SSBP2: variants seen among roughly 807,000 people sequenced by gnomAD.
SSBP2 encodes single-stranded DNA-binding protein 2.
In SSBP2, 17 loss-of-function variants were observed where a neutral mutation model predicts 61.8. That is an observed-to-expected ratio of 0.28 (90% confidence interval 0.19 to 0.41). The LOEUF (loss-of-function observed/expected upper bound fraction) is 0.41. Among genes scored for constraint, SSBP2 ranks in the 10% least tolerant of loss-of-function variants. The pLI, the probability that SSBP2 is intolerant of heterozygous loss-of-function variation, is 1.00. For missense variants in SSBP2, 310 were observed against 458.7 expected (o/e 0.68, Z 2.96); for synonymous variants, 139 against 141.3 (o/e 0.98, Z 0.12).
intron 6 of SSBP2, among the ~76,000 whole-genome samples, chr5:81,478,496 G>A (rs919810377): frequency 2.2e-4 from 33 of 151,742 alleles, no homozygotes; most frequent in African/African-American, 7.0e-4. Flanking sequence ...ACCCACCACC[G>A]TGCCCAGCTA....
Position 81,584,164 on chromosome 5 carries a change from G to A in SSBP2, c.282+31309C>T, listed in dbSNP as rs370286132. Among the ~76,000 whole-genome samples, 13 of 152,206 alleles carry A rather than the reference G, an allele frequency of 8.5e-5. 1 individual carries two copies. The South Asian group carries it at 2.7e-3, about 32-fold the overall frequency. ...AGGTAGGTTTTTTTTATAGTGATCT[G>A]TGAAATATTTAAATATTTGGCCTAA... On this transcript the variant is annotated intron_variant, in intron 4 of 16. Transcript: ENST00000320672.
At position 81,686,197 on chromosome 5, in the gene SSBP2, A is replaced by C. The variant is rs183840369; in HGVS notation, c.63-35858T>G. Among the ~76,000 whole-genome samples the C allele has an allele frequency of 2.5e-3, 375 of 152,342 alleles. 2 individuals are homozygous for C. Among genetic ancestry groups the C allele is most frequent in the African/African-American group, 8.5e-3 (355 of 41,576 alleles). On this transcript the variant is annotated intron_variant, in intron 1 of 16. Transcript: ENST00000320672. The stretch of plus-strand genomic sequence containing the variant: ...AACCAAATTCCCATTAAATGTCACC[A>C]AAATGATCATCTCATATTGAAATAT...
intron 1 of SSBP2, among the ~76,000 whole-genome samples, chr5:81,715,911 A>G (rs142023470): frequency 1.2e-4 from 19 of 152,190 alleles, no homozygotes; most frequent in Non-Finnish European, 2.4e-4. Flanking sequence ...TTTAAAAATC[A>G]GCTGAGCATG....
intron 16 of SSBP2, among the ~76,000 whole-genome samples, chr5:81,423,846 G>C (rs986709455): frequency 1.3e-5 from 2 of 152,090 alleles, no homozygotes; most frequent in African/African-American, 4.8e-5. Flanking sequence ...GTTGTTAAGA[G>C]TATGTATATA....
At chr5:81,600,102 A>G (rs1436670868) in intron 4 of SSBP2, among the ~76,000 whole-genome samples, 1 of 152,206 alleles carries the variant, frequency 6.6e-6, no homozygotes, top group Non-Finnish European at 1.5e-5. Context: ...GACGGTGATT[A>G]AGATGGTCTA....
intron 1 of SSBP2, among the ~76,000 whole-genome samples, chr5:81,672,370 T>TA (rs1751638942): frequency 6.6e-6 from 1 of 152,104 alleles, no homozygotes; most frequent in South Asian, 2.1e-4. Context: ...AGAAAATTTT[T>TA]AAATACAAGA....
At chr5:81,452,938 T>C (rs1228172662) in intron 10 of SSBP2, among the ~76,000 whole-genome samples, 1 of 141,708 alleles carries the variant, frequency 7.1e-6, no homozygotes, top group African/African-American at 3.0e-5. Context: ...AACAACATGG[T>C]AGCATTAAAA....
At chr5:81,692,317 A>G (rs940165204) in intron 1 of SSBP2, among the ~76,000 whole-genome samples, 6 of 152,208 alleles carry the variant, frequency 3.9e-5, no homozygotes, top group Non-Finnish European at 8.8e-5. Context: ...AGATCTCTGC[A>G]ATAAAAACTA....
intron 1 of SSBP2, among the ~76,000 whole-genome samples, chr5:81,720,084 A>C (rs1370873139): frequency 6.6e-6 from 1 of 152,152 alleles, no homozygotes; most frequent in African/African-American, 2.4e-5. Context: ...CCAAGATGTC[A>C]AAGCATCATA....
intron 1 of SSBP2, among the ~76,000 whole-genome samples, chr5:81,692,048 T>G (rs1753243143): frequency 6.6e-6 from 1 of 152,130 alleles, no homozygotes; most frequent in Non-Finnish European, 1.5e-5. Context: ...GCATCCAAAC[T>G]GGAAAGAAAT....
intron 4 of SSBP2, among the ~76,000 whole-genome samples, chr5:81,538,263 C>T (rs936785461): frequency 6.6e-6 from 1 of 152,166 alleles, no homozygotes; most frequent in Non-Finnish European, 1.5e-5. Context: ...TCAAACCAGC[C>T]ACAACATTTC....
chr5:81,589,357 A>G (rs779771964), intron 4 of SSBP2, among the ~76,000 whole-genome samples: 3 of 152,242 alleles, frequency 2.0e-5, no homozygotes, highest in Non-Finnish European at 4.4e-5. Context: ...GCTCTTACCA[A>G]GAGACTTTAA....
At chr5:81,715,549 G>A (rs1165620264) in intron 1 of SSBP2, among the ~76,000 whole-genome samples, 1 of 152,150 alleles carries the variant, frequency 6.6e-6, no homozygotes, top group Non-Finnish European at 1.5e-5. Context: ...TATGTTCATA[G>A]AAAACAAACC....
intron 1 of SSBP2, among the ~76,000 whole-genome samples, chr5:81,675,697 A>C (rs1751919045): frequency 6.6e-6 from 1 of 152,152 alleles, no homozygotes; most frequent in Non-Finnish European, 1.5e-5. Flanking sequence ...CCATAATACA[A>C]GTTCCACACA....
chr5:81,433,801 T>C (rs751355922), intron 15 of SSBP2, among the ~76,000 whole-genome samples: 2 of 152,228 alleles, frequency 1.3e-5, no homozygotes, highest in Non-Finnish European at 2.9e-5. Flanking sequence ...TGAGTTTTAC[T>C]AGGTAATGCT....
At chr5:81,676,341 G>C (rs534727561) in intron 1 of SSBP2, among the ~76,000 whole-genome samples, 9 of 152,216 alleles carry the variant, frequency 5.9e-5, no homozygotes, top group African/African-American at 2.2e-4. Context: ...GTCAAAAGAT[G>C]ATGTGAAAGT....
intron 2 of SSBP2, among the ~76,000 whole-genome samples, chr5:81,648,836 A>G (rs1372189519): frequency 6.6e-6 from 1 of 152,074 alleles, no homozygotes; most frequent in Admixed American, 6.6e-5. Flanking sequence ...ATTTAAAAAG[A>G]AAAGGTAAAA....
rs528892643 is a variant in SSBP2 at position 81,719,493 on chromosome 5, C to A, written c.62+31488G>T. On this transcript the variant is annotated intron_variant, in intron 1 of 16. Transcript: ENST00000320672. ...CACTGTGGGTGCCCAAGGTTTCTATCCATCTTGATTATGAGCTTGAATTGA... is the reference window on the plus strand; with the variant it reads ...CACTGTGGGTGCCCAAGGTTTCTATACATCTTGATTATGAGCTTGAATTGA... Among the ~76,000 whole-genome samples the A allele has an allele frequency of 3.3e-5, 5 of 152,262 alleles. 1 individual carries two copies. In the South Asian group the frequency reaches 1.0e-3, roughly 32 times the overall value.
chr5:81,634,549 T>G (rs1300955549), intron 3 of SSBP2, among the ~76,000 whole-genome samples: 9 of 152,232 alleles, frequency 5.9e-5, no homozygotes, highest in Non-Finnish European at 1.3e-4. Context: ...TCAAATTTTT[T>G]ACAGAGTTTT....
Sources: allele counts gnomAD v4.1 joint callset (sites outside exome capture counted in the v4.1 genomes callset), GRCh38; gene constraint gnomAD v4.1.1; transcripts MANE v1.5; gene names NCBI Gene and HGNC (gene_info 2026-07-23, HGNC 2026-07-21).